The following MCOLN1 variants were observed in gnomAD, a reference collection of about 807,000 sequenced individuals.
MCOLN1 encodes the protein mucolipin TRP cation channel 1.
MCOLN1 carries 50 observed loss-of-function variants against 70.3 expected under a neutral mutation model. The observed-to-expected ratio is 0.71, with a 90% CI of 0.57 to 0.90. The LOEUF (loss-of-function observed/expected upper bound fraction) is 0.90. Among genes scored for constraint, MCOLN1 ranks in the 40% least tolerant of loss-of-function variants. MCOLN1 has a pLI of 0.00. For synonymous variants in MCOLN1, 366 were observed against 341.0 expected (o/e 1.07, Z -0.81); for missense variants, 598 against 803.5 (o/e 0.74, Z 3.09).
Position 7,525,244 on chromosome 19 carries a change from C to T in MCOLN1, c.237+78C>T. ...CTCCTTGAAGAGAGTCTTAAAGCAG[C>T]ACTTTGGAAGGCCGAGGCCGGTGGA... On this transcript the variant is annotated intron_variant, in intron 2 of 13. Transcript: ENST00000264079. The surrounding 1 kb of genome is among the most constrained non-coding windows in gnomAD (Gnocchi z 4.2). 2 of 1,401,424 alleles carry T rather than the reference C, an allele frequency of 1.4e-6. No individual in the cohort carries two copies. Among genetic ancestry groups the T allele is most frequent in the East Asian group, 2.3e-5 (1 of 43,502 alleles). The allele number at this position is 1,401,424 out of a possible 1,614,324, so 86.8% of individuals were successfully genotyped here.
In MCOLN1 at chr19:7,522,686, G is replaced by A; in HGVS notation, c.-65G>A. 7.0e-7 allele frequency: 1 copy of A among 1,420,810 alleles called. No individual in the cohort carries two copies. The highest frequency in any genetic ancestry group is 9.2e-7 in the Non-Finnish European group (1 of 1,085,660). The allele number at this position is 1,420,810 out of a possible 1,614,324, so 88.0% of individuals were successfully genotyped here. A position where few individuals can be genotyped will look rare whatever the true frequency, so the allele number is the denominator to read the frequency against. On this transcript the variant is annotated 5_prime_UTR_variant, in exon 1 of 14. Transcript: ENST00000264079. Reference sequence around the variant, plus strand: ...GCGAGGGAGCGAGGTCGCAGTGACAGCGGCGGGCGATCGGACCCAGGCTGC... The same window carrying A: ...GCGAGGGAGCGAGGTCGCAGTGACAACGGCGGGCGATCGGACCCAGGCTGC...
At position 7,527,901 on chromosome 19, in the gene MCOLN1, A is replaced by G. The variant is rs190389885; in HGVS notation, c.718A>G (p.Ile240Val). 19 of 1,614,150 alleles carry G rather than the reference A, an allele frequency of 1.2e-5. No individual in the cohort carries two copies. The Admixed American group carries it at 2.7e-4, about 23-fold the overall frequency. ...CACCATCCACTTCCGGCTGAAGACC[A>G]TTAACCTCCAGAGCCTCATCAATAA... ...NVTIHFRLKT[I>V]NLQSLINNEI... is the part of the protein sequence containing the mutation. The change falls in exon 6 of 14, where the codon ATT becomes GTT. Residue 240 changes from isoleucine to valine, a missense_variant. Physicochemically the swap from Ile to Val is conservative, Grantham distance 29. Coordinates refer to ENST00000264079, the MANE Select transcript of MCOLN1 (RefSeq NM_020533.3).
At chr19:7,533,458 G>T in intron 12 of MCOLN1, 65 bp from the exon 13 acceptor site, 2 of 1,596,442 alleles carry the variant, frequency 1.3e-6, no homozygotes, top group South Asian at 2.2e-5. Flanking sequence ...AGGGGAGGGC[G>T]GACTTCAAGG....
chr19:7,526,346 G>A lies in MCOLN1; in HGVS notation c.238-93G>A. The A allele has an allele frequency of 6.8e-7, 1 of 1,478,952 alleles. No individual in the cohort carries two copies. 91.6% of individuals were successfully genotyped at this position (1,478,952 alleles called of 1,614,324 possible). A position where few individuals can be genotyped will look rare whatever the true frequency, so the allele number is the denominator to read the frequency against. ...CCCCACCCCAGTGGACATCTGCAGG[G>A]CCCTCCCTGTCCTCTTCCAGGGCCT... is the stretch of plus-strand genomic sequence containing the variant. On this transcript the variant is annotated intron_variant, in intron 2 of 13. Transcript: ENST00000264079. This position sits in a 1 kb window ranked among gnomAD's most constrained non-coding sequence, Gnocchi z 4.6.
intron 11 of MCOLN1, 46 bp downstream of exon 11, chr19:7,529,758 T>C: frequency 6.2e-7 from 1 of 1,612,340 alleles, no homozygotes; most frequent in Non-Finnish European, 8.5e-7. Flanking sequence ...TGTGACCTTG[T>C]CATTGACACT....
chr19:7,533,508 G>A lies in MCOLN1; in HGVS notation c.1576-15G>A, dbSNP rs372603871. On this transcript the variant is annotated splice_polypyrimidine_tract_variant and intron_variant, in intron 12 of 13. Coordinates refer to ENST00000264079, the MANE Select transcript of MCOLN1 (RefSeq NM_020533.3). Reference sequence around the variant, plus strand: ...GAGCCACTTTCAGGCTGAGCCTCCCGGCTTCTCTCCCCAGCATCCCGGCGG... The same window carrying A: ...GAGCCACTTTCAGGCTGAGCCTCCCAGCTTCTCTCCCCAGCATCCCGGCGG... The A allele has an allele frequency of 2.5e-5, 41 of 1,610,268 alleles. No homozygotes were observed. Among genetic ancestry groups the A allele is most frequent in the Admixed American group, 2.3e-4 (14 of 59,978 alleles).
rs765975281 is a variant in MCOLN1, at chr19:7,533,648, C to A, written c.1701C>A (p.Cys567Ter). 4 of 1,613,442 alleles carry A rather than the reference C, an allele frequency of 2.5e-6. No individual in the cohort carries two copies. The South Asian group carries it at 4.4e-5, about 18-fold the overall frequency. Residue 567 changes from cysteine (C) to a stop codon, truncating the protein, a stop_gained, in exon 13 of 14, where the codon TGC (cysteine) becomes TGA (stop). Transcript: ENST00000264079. LOFTEE classifies it high-confidence loss of function. ...SGSACSLLCCCGRDPSEEHSL... is the reference protein window; with the variant it reads ...SGSACSLLCC ...CGGCCTGCAGCCTTCTCTGCTGCTG[C>A]GGAAGGTTCGAGTCCCGGGTCTGGC... is the stretch of plus-strand genomic sequence containing the variant.
rs2022536941 is a variant in MCOLN1, at chr19:7,524,356, T to C, written c.32-605T>C. Among the ~76,000 whole-genome samples, 1 of 152,214 alleles carries C rather than the reference T, an allele frequency of 6.6e-6. No homozygotes were observed. Among genetic ancestry groups the C allele is most frequent in the Non-Finnish European group, 1.5e-5 (1 of 68,040 alleles). ...TACTTATGTTGTCAATTACCTCTTC[T>C]CCAGGTCCTTGGCTTCTGAGAGTGT... On this transcript the variant is annotated intron_variant, in intron 1 of 13. Transcript: ENST00000264079. This position sits in a 1 kb window ranked among gnomAD's most constrained non-coding sequence, Gnocchi z 4.1.
rs760115113 is a variant in MCOLN1, at chr19:7,526,421, C to T, written c.238-18C>T. The T allele has an allele frequency of 5.6e-6, 9 of 1,614,250 alleles. 1 individual carries two copies. The South Asian group carries it at 9.9e-5, about 18-fold the overall frequency. On this transcript the variant is annotated intron_variant, in intron 2 of 13. Coordinates refer to ENST00000264079, the MANE Select transcript of MCOLN1 (RefSeq NM_020533.3). The surrounding 1 kb of genome is among the most constrained non-coding windows in gnomAD (Gnocchi z 4.6). ...ACCCCCATCCTAGCCATGCCAACCT[C>T]TACTACCCTCTCCCCAGCTCATCCT...
chr19:7,531,403 G>A (rs1383031857), intron 12 of MCOLN1, among the ~76,000 whole-genome samples: 4 of 151,500 alleles, frequency 2.6e-5, no homozygotes, highest in South Asian at 4.2e-4. Context: ...GTTTCACCAC[G>A]TTGGCCAGGC....
chr19:7,524,171 C>T lies in MCOLN1; in HGVS notation c.32-790C>T, dbSNP rs1824608777. ...CAAGGGGTCGCCTTTTTAAAATTTC[C>T]ACTCTTCAGATGAGGAGATGGAGGC... On this transcript the variant is annotated intron_variant, in intron 1 of 13. Coordinates refer to ENST00000264079, the MANE Select transcript of MCOLN1 (RefSeq NM_020533.3). This position sits in a 1 kb window ranked among gnomAD's most constrained non-coding sequence, Gnocchi z 4.1. Among the ~76,000 whole-genome samples the T allele has an allele frequency of 6.6e-6, 1 of 152,152 alleles. No homozygotes were observed. The highest frequency in any genetic ancestry group is 2.1e-4 in the South Asian group (1 of 4,828).
chr19:7,527,696 C>A, intron 5 of MCOLN1, 68 bp downstream of exon 5: 2 of 1,193,704 alleles, frequency 1.7e-6, no homozygotes, highest in Non-Finnish European at 2.5e-6. Flanking sequence ...CTCACCCCAG[C>A]AACTACTTCC....
intron 12 of MCOLN1, among the ~76,000 whole-genome samples, chr19:7,532,435 C>T (rs1254592701): frequency 1.3e-5 from 2 of 149,870 alleles, no homozygotes; most frequent in African/African-American, 2.4e-5. Flanking sequence ...CGGCTGGGCA[C>T]GGTGACTCAC....
At chr19:7,527,730 C>A (rs527812665) in intron 5 of MCOLN1, 102 bp downstream of exon 5, 5 of 1,082,456 alleles carry the variant, frequency 4.6e-6, no homozygotes, top group South Asian at 3.7e-5. Flanking sequence ...AGGGCCCCCC[C>A]GCCCGCGCTG....
intron 10 of MCOLN1, 89 bp from the exon 11 acceptor site, chr19:7,529,501 G>GCGCCCCCC: frequency 1.3e-6 from 1 of 747,250 alleles, no homozygotes; most frequent in Non-Finnish European, 2.3e-6. Context: ...CCTCGGCAAG[G>GCGCCCCCC]CCCCGCCCCT....
chr19:7,528,765 C>T lies in MCOLN1; in HGVS notation c.985-56C>T. 6.2e-7 allele frequency: 1 copy of T among 1,614,128 alleles called. No homozygotes were observed. Among genetic ancestry groups the T allele is most frequent in the Non-Finnish European group, 8.5e-7 (1 of 1,179,990 alleles). On this transcript the variant is annotated intron_variant, in intron 8 of 13. Transcript: ENST00000264079. The surrounding 1 kb of genome is among the most constrained non-coding windows in gnomAD (Gnocchi z 4.2). ...CGCCTGGCCCTGGGGCGATAAAAGCCAGGGCTTTGAGGGTCCTGTGCCTGG... is the reference window on the plus strand; with the variant it reads ...CGCCTGGCCCTGGGGCGATAAAAGCTAGGGCTTTGAGGGTCCTGTGCCTGG...
rs2022625525 is a variant in MCOLN1 at position 7,529,613 on chromosome 19, G to T, written c.1260G>T (p.Val420=). The T allele has an allele frequency of 6.2e-7, 1 of 1,613,926 alleles. No homozygotes were observed. The highest frequency in any genetic ancestry group is 8.5e-7 in the Non-Finnish European group (1 of 1,179,982). The change falls in exon 11 of 14, where the codon GTG becomes GTT. Residue 420 remains valine, a synonymous_variant. Coordinates refer to ENST00000264079, the MANE Select transcript of MCOLN1 (RefSeq NM_020533.3). Reference sequence around the variant, plus strand: ...AGATCCTCATCGCCACACTGCGGGTGGCCCTGCCCAGCGTCATGCGCTTCT... The same window carrying T: ...AGATCCTCATCGCCACACTGCGGGTTGCCCTGCCCAGCGTCATGCGCTTCT... ...NYNILIATLR[V]ALPSVMRFCC...
Position 7,525,999 on chromosome 19 carries a change from T to C in MCOLN1, c.238-440T>C. ...ATTGCTTGAACCCAGGGGGTGGAGG[T>C]TGTAGTGAGCTGAGATCATACCATG... On this transcript the variant is annotated intron_variant, in intron 2 of 13. Coordinates refer to ENST00000264079, the MANE Select transcript of MCOLN1 (RefSeq NM_020533.3). The surrounding 1 kb of genome is among the most constrained non-coding windows in gnomAD (Gnocchi z 4.2). 1 of 205,594 alleles carries C rather than the reference T, an allele frequency of 4.9e-6. No homozygotes were observed. Among genetic ancestry groups the C allele is most frequent in the South Asian group, 7.6e-5 (1 of 13,216 alleles). 12.7% of individuals were successfully genotyped at this position (205,594 alleles called of 1,614,324 possible). A position where few individuals can be genotyped will look rare whatever the true frequency, so the allele number is the denominator to read the frequency against.
rs1199285347 is a variant in MCOLN1, at chr19:7,526,617, G to A, written c.405+11G>A. ...CATGCTGTGGACCAGGTGCTGGTGG[G>A]CGGGCAGGTGCTGGTGGGCAGGCAG... is the stretch of plus-strand genomic sequence containing the variant. On this transcript the variant is annotated intron_variant, in intron 3 of 13. Coordinates refer to ENST00000264079, the MANE Select transcript of MCOLN1 (RefSeq NM_020533.3). This position sits in a 1 kb window ranked among gnomAD's most constrained non-coding sequence, Gnocchi z 4.6. The A allele has an allele frequency of 6.2e-6, 10 of 1,609,330 alleles. No individual in the cohort carries two copies. In the Admixed American group the frequency reaches 1.7e-4, roughly 27 times the overall value.
Sources: gnomAD v4.1 joint callset for allele counts (sites outside exome capture counted in the v4.1 genomes callset) on GRCh38, gnomAD v4.1.1 for gene constraint, Gnocchi (gnomAD v3.1) non-coding constraint, MANE v1.5 for transcripts, NCBI Gene and HGNC (gene_info 2026-07-23, HGNC 2026-07-21) for gene names.